The following MACROD2 variants were observed in gnomAD, a reference collection of about 807,000 sequenced individuals.
The protein encoded by MACROD2 is mono-ADP ribosylhydrolase 2.
MACROD2 carries 36 observed loss-of-function variants against 70.4 expected under a neutral mutation model. The observed-to-expected ratio is 0.51, with a 90% confidence interval of 0.39 to 0.68. MACROD2 has a LOEUF of 0.68. Among genes scored for constraint, MACROD2 ranks in the 30% least tolerant of loss-of-function variants. The probability of loss-of-function intolerance (pLI) is 0.00; values close to 1 mark genes in which losing one functional copy is unlikely to be tolerated. For missense variants in MACROD2, 496 were observed against 538.4 expected (o/e 0.92, Z 0.78); for synonymous variants, 172 against 178.8 (o/e 0.96, Z 0.30).
chr20:14,332,372 G>A (rs763665751), intron 3 of MACROD2, among the ~76,000 whole-genome samples: 1 of 151,946 alleles, frequency 6.6e-6, no homozygotes, highest in African/African-American at 2.4e-5. Flanking sequence ...AAGAGCTTGC[G>A]GCAATCTACA....
Position 14,851,714 on chromosome 20 carries a change from A to C in MACROD2, c.418+166755A>C, listed in dbSNP as rs557927510. On this transcript the variant is annotated intron_variant, in intron 5 of 17. Transcript: ENST00000684519. ...TAAAATGTGGCAAGTACTATCATGT[A>C]AGTATAAATAAATAAAAAATTGTAC... 1.0e-3 allele frequency among the ~76,000 whole-genome samples: 152 copies of C among 152,304 alleles called. 2 individuals are homozygous for C. The highest frequency in any genetic ancestry group is 3.4e-3 in the African/African-American group (142 of 41,576).
At chr20:14,562,658 G>T (rs1330489126) in intron 4 of MACROD2, among the ~76,000 whole-genome samples, 1 of 151,742 alleles carries the variant, frequency 6.6e-6, no homozygotes, top group African/African-American at 2.4e-5. Context: ...CCTTCTTATG[G>T]AAATAAGAAG....
At chr20:14,882,803 G>C (rs2073625323) in intron 5 of MACROD2, among the ~76,000 whole-genome samples, 1 of 151,920 alleles carries the variant, frequency 6.6e-6, no homozygotes, top group African/African-American at 2.4e-5. Flanking sequence ...TAAAAATAAA[G>C]TTTAGATCGC....
At chr20:15,140,042 G>A (rs2076180130) in intron 5 of MACROD2, among the ~76,000 whole-genome samples, 2 of 152,114 alleles carry the variant, frequency 1.3e-5, no homozygotes, top group South Asian at 4.2e-4. Context: ...TAGGTGGGAT[G>A]GTTGTATAGA....
intron 6 of MACROD2, among the ~76,000 whole-genome samples, chr20:15,249,675 A>G (rs1479534547): frequency 6.6e-6 from 1 of 152,268 alleles, no homozygotes; most frequent in East Asian, 1.9e-4. Context: ...GGCAGTCTAC[A>G]GTTTCAAAAT....
At chr20:14,554,826 T>G (rs913370106) in intron 4 of MACROD2, among the ~76,000 whole-genome samples, 1 of 152,116 alleles carries the variant, frequency 6.6e-6, no homozygotes. Flanking sequence ...AGAAAAAGTA[T>G]ACTTGAAATC....
intron 8 of MACROD2, among the ~76,000 whole-genome samples, chr20:15,766,506 C>T (rs910106778): frequency 1.3e-5 from 2 of 152,116 alleles, no homozygotes; most frequent in African/African-American, 4.8e-5. Context: ...AAGTTAATGG[C>T]GGGCATTACT....
intron 5 of MACROD2, among the ~76,000 whole-genome samples, chr20:14,783,493 G>A (rs772813545): frequency 1.8e-4 from 27 of 152,124 alleles, no homozygotes; most frequent in Middle Eastern, 3.4e-3. Context: ...ACACTAACAC[G>A]TGGTTTTAAA....
chr20:15,149,526 T>C (rs2076253908), intron 5 of MACROD2, among the ~76,000 whole-genome samples: 1 of 151,698 alleles, frequency 6.6e-6, no homozygotes, highest in African/African-American at 2.4e-5. Context: ...CAATGGTAAT[T>C]ATGGGAGACT....
intron 6 of MACROD2, among the ~76,000 whole-genome samples, chr20:15,299,847 G>A (rs1417369155): frequency 6.6e-6 from 1 of 152,218 alleles, no homozygotes; most frequent in Non-Finnish European, 1.5e-5. Flanking sequence ...GGGTCTACTT[G>A]AATGAGGGAG....
In MACROD2 at chr20:14,352,635, TAGGAGATACATTG is replaced by T. The variant is rs2083134243; in HGVS notation, c.272-140843_272-140831del. Among the ~76,000 whole-genome samples the T allele has an allele frequency of 2.0e-5, 3 of 152,186 alleles. No homozygotes were observed. In the South Asian group the frequency reaches 6.2e-4, roughly 31 times the overall value. ...TGAGTAGTGTTCATCTTTAACTTAA[TAGGAGATACATTG>T]TATGTTAATATTGATTTAATTTGTA... On this transcript the variant is annotated intron_variant, in intron 3 of 17. Transcript: ENST00000684519.
At chr20:14,860,162 T>G (rs1018592549) in intron 5 of MACROD2, among the ~76,000 whole-genome samples, 1 of 152,164 alleles carries the variant, frequency 6.6e-6, no homozygotes, top group Non-Finnish European at 1.5e-5. Context: ...ATGGAATATA[T>G]TGTCTGGTTG....
At chr20:15,437,566 C>A (rs2046442988) in intron 7 of MACROD2, among the ~76,000 whole-genome samples, 1 of 152,096 alleles carries the variant, frequency 6.6e-6, no homozygotes, top group Non-Finnish European at 1.5e-5. Flanking sequence ...GAACTTGTGA[C>A]ACAAGGGTTT....
intron 6 of MACROD2, among the ~76,000 whole-genome samples, chr20:15,246,817 C>T (rs1368407278): frequency 6.6e-6 from 1 of 152,150 alleles, no homozygotes; most frequent in Non-Finnish European, 1.5e-5. Context: ...AAAGTGGAAA[C>T]AATCCAAATG....
At chr20:14,143,878 A>C (rs1445096427) in intron 3 of MACROD2, among the ~76,000 whole-genome samples, 1 of 152,164 alleles carries the variant, frequency 6.6e-6, no homozygotes, top group Non-Finnish European at 1.5e-5. Flanking sequence ...TTTTTTTAAA[A>C]ATATATAGAT....
chr20:14,771,844 C>CT (rs761252081), intron 5 of MACROD2, among the ~76,000 whole-genome samples: 1 of 151,216 alleles, frequency 6.6e-6, no homozygotes, highest in African/African-American at 2.4e-5. Flanking sequence ...ATAAGTAATT[C>CT]TTTTTTTCTT....
intron 8 of MACROD2, among the ~76,000 whole-genome samples, chr20:15,669,625 G>A (rs898336427): frequency 6.6e-6 from 1 of 152,192 alleles, no homozygotes; most frequent in Non-Finnish European, 1.5e-5. Flanking sequence ...TCCTGGAAGG[G>A]CACTTTGAGC....
intron 5 of MACROD2, among the ~76,000 whole-genome samples, chr20:15,024,435 C>T (rs1206547165): frequency 6.6e-6 from 1 of 151,964 alleles, no homozygotes; most frequent in Non-Finnish European, 1.5e-5. Context: ...TTAGAGTAAC[C>T]TGTTAATCTA....
chr20:15,286,998 C>A (rs2077498045), intron 6 of MACROD2, among the ~76,000 whole-genome samples: 1 of 152,136 alleles, frequency 6.6e-6, no homozygotes, highest in Non-Finnish European at 1.5e-5. Flanking sequence ...TTTCCCTAGT[C>A]AAGGTTTGTA....
Sources: allele counts gnomAD v4.1 joint callset (sites outside exome capture counted in the v4.1 genomes callset), GRCh38; gene constraint gnomAD v4.1.1; transcripts MANE v1.5; gene names NCBI Gene and HGNC (gene_info 2026-07-23, HGNC 2026-07-21).